Variants in HS6ST3 observed in about 807,000 individuals in gnomAD.
The protein encoded by HS6ST3 is heparan-sulfate 6-O-sulfotransferase 3.
HS6ST3 carries 12 observed loss-of-function variants against 36.7 expected under a neutral mutation model. The ratio of observed to expected loss-of-function variants is 0.33; its 90% CI spans 0.21 to 0.53. The LOEUF is 0.53. HS6ST3 is among the 20% of genes least tolerant of loss of function. The pLI is 0.95. For missense variants in HS6ST3, 584 were observed against 640.9 expected (o/e 0.91, Z 0.96); for synonymous variants, 240 against 257.5 (o/e 0.93, Z 0.65).
At chr13:96,470,071 G>C (rs1057295069) in intron 1 of HS6ST3, among the ~76,000 whole-genome samples, 3 of 152,076 alleles carry the variant, frequency 2.0e-5, no homozygotes, top group Admixed American at 6.6e-5. Flanking sequence ...GAAAATGAGA[G>C]TTGTAAAAGA....
chr13:96,831,967 A>AAAAAAAAAAAAAC, intron 1 of HS6ST3, among the ~76,000 whole-genome samples: 1 of 147,204 alleles, frequency 6.8e-6, no homozygotes, highest in Non-Finnish European at 1.5e-5. Context: ...AAAAAAAAAA[A>AAAAAAAAAAAAAC]AAAAAAAAAA....
At chr13:96,812,395 A>T (rs1420753908) in intron 1 of HS6ST3, among the ~76,000 whole-genome samples, 1 of 152,090 alleles carries the variant, frequency 6.6e-6, no homozygotes, top group East Asian at 1.9e-4. Context: ...TCTTCTAGAA[A>T]ATATTTGAGC....
At chr13:96,753,854 C>G in intron 1 of HS6ST3, among the ~76,000 whole-genome samples, 1 of 152,038 alleles carries the variant, frequency 6.6e-6, no homozygotes. Context: ...GAGTCTCGCT[C>G]TGTTGCCCAT....
At chr13:96,809,167 G>C (rs1349146107) in intron 1 of HS6ST3, among the ~76,000 whole-genome samples, 2 of 152,118 alleles carry the variant, frequency 1.3e-5, no homozygotes, top group Non-Finnish European at 2.9e-5. Flanking sequence ...TTTGAGTTAT[G>C]GTTCTTGTTA....
chr13:96,107,108 G>A (rs1257957129), intron 1 of HS6ST3, among the ~76,000 whole-genome samples: 1 of 152,144 alleles, frequency 6.6e-6, no homozygotes, highest in Non-Finnish European at 1.5e-5. Flanking sequence ...GTCATTTGTT[G>A]GGATATAAGC....
chr13:96,778,572 AT>A (rs1877451634), intron 1 of HS6ST3, among the ~76,000 whole-genome samples: 1 of 152,278 alleles, frequency 6.6e-6, no homozygotes, highest in African/African-American at 2.4e-5. Flanking sequence ...TTGAAAAAAA[AT>A]CATCATCACT....
intron 1 of HS6ST3, among the ~76,000 whole-genome samples, chr13:96,265,160 T>G (rs1014306624): frequency 7.2e-5 from 11 of 152,166 alleles, no homozygotes. Context: ...TTAAGCAATC[T>G]TAATTTAATT....
chr13:96,636,339 A>C (rs2056549789), intron 1 of HS6ST3, among the ~76,000 whole-genome samples: 1 of 152,216 alleles, frequency 6.6e-6, no homozygotes, highest in Admixed American at 6.5e-5. Context: ...GTGGCTGATA[A>C]GAGAACTAAA....
intron 1 of HS6ST3, among the ~76,000 whole-genome samples, chr13:96,485,067 G>A (rs1335022610): frequency 6.6e-6 from 1 of 151,992 alleles, no homozygotes; most frequent in Admixed American, 6.6e-5. Context: ...GTTTTGATCT[G>A]GGTCTTTTTC....
intron 1 of HS6ST3, among the ~76,000 whole-genome samples, chr13:96,763,541 G>A (rs1055660410): frequency 6.0e-5 from 9 of 150,742 alleles, no homozygotes; most frequent in East Asian, 1.9e-4. Flanking sequence ...TGAATTTTAT[G>A]TATTTAATAA....
chr13:96,396,890 TC>T (rs2055424739), intron 1 of HS6ST3, among the ~76,000 whole-genome samples: 1 of 152,156 alleles, frequency 6.6e-6, no homozygotes, highest in African/African-American at 2.4e-5. Context: ...ATAAATAGGA[TC>T]ACCCTTAGTC....
chr13:96,369,804 A>G (rs1253893542), intron 1 of HS6ST3, among the ~76,000 whole-genome samples: 1 of 152,116 alleles, frequency 6.6e-6, no homozygotes, highest in Non-Finnish European at 1.5e-5. Context: ...TTTAAGTACT[A>G]TTCACCTGGA....
intron 1 of HS6ST3, among the ~76,000 whole-genome samples, chr13:96,745,409 G>T (rs934840032): frequency 2.6e-5 from 4 of 152,074 alleles, no homozygotes; most frequent in Non-Finnish European, 4.4e-5. Context: ...CCAGCCATAT[G>T]GTTGTAAAAG....
chr13:96,433,138 T>G (rs2055624197), intron 1 of HS6ST3, among the ~76,000 whole-genome samples: 1 of 152,202 alleles, frequency 6.6e-6, no homozygotes, highest in South Asian at 2.1e-4. Context: ...ATCTAATAAT[T>G]GAATGATAAT....
intron 1 of HS6ST3, among the ~76,000 whole-genome samples, chr13:96,375,185 GCCAAAACACCAC>G (rs1468285123): frequency 6.6e-6 from 1 of 151,970 alleles, no homozygotes; most frequent in East Asian, 1.9e-4. Flanking sequence ...TCCAGACTTA[GCCAAAACACCAC>G]CCTCGTAAAG....
At chr13:96,516,434 A>G (rs1377004370) in intron 1 of HS6ST3, among the ~76,000 whole-genome samples, 1 of 152,180 alleles carries the variant, frequency 6.6e-6, no homozygotes, top group Non-Finnish European at 1.5e-5. Context: ...ATATTCACAC[A>G]TATATTGAGT....
At chr13:96,656,145 C>G (rs927457553) in intron 1 of HS6ST3, among the ~76,000 whole-genome samples, 6 of 152,082 alleles carry the variant, frequency 3.9e-5, no homozygotes, top group African/African-American at 1.4e-4. Context: ...ATTGAAGAAG[C>G]ATTATTGAAG....
chr13:96,373,884 C>T (rs574085348), intron 1 of HS6ST3, among the ~76,000 whole-genome samples: 1 of 152,254 alleles, frequency 6.6e-6, no homozygotes, highest in Admixed American at 6.5e-5. Flanking sequence ...TTCCAAGTTG[C>T]AATTATCTTA....
chr13:96,611,977 G>A (rs373210801), intron 1 of HS6ST3, among the ~76,000 whole-genome samples: 4 of 152,158 alleles, frequency 2.6e-5, no homozygotes, highest in Admixed American at 6.5e-5. Flanking sequence ...AAGCAACAAC[G>A]TGGAGGCTGG....
Sources: allele counts gnomAD v4.1 joint callset (sites outside exome capture counted in the v4.1 genomes callset), GRCh38; gene constraint gnomAD v4.1.1; transcripts MANE v1.5; gene names NCBI Gene and HGNC (gene_info 2026-07-23, HGNC 2026-07-21).